The following GSE1 variants were observed in gnomAD, a reference collection of about 807,000 sequenced individuals.
The protein encoded by GSE1 is Gse1 coiled-coil protein.
A neutral mutation model predicts 112.6 loss-of-function variants in GSE1; 32 were observed. The ratio of observed to expected loss-of-function variants is 0.28; its 90% CI spans 0.21 to 0.38. The LOEUF is 0.38. Ranked by LOEUF, GSE1 falls within the 10% of genes least tolerant of loss-of-function variation. The pLI is 1.00. For missense variants in GSE1, 2,348 were observed against 1,699.2 expected (o/e 1.38, Z -6.71); for synonymous variants, 1,115 against 735.6 (o/e 1.52, Z -8.35).
chr16:85,284,768 GCA>G, intron 1 of GSE1, among the ~76,000 whole-genome samples: 1 of 152,232 alleles, frequency 6.6e-6, no homozygotes, highest in South Asian at 2.1e-4. Flanking sequence ...GGCGGGGCTG[GCA>G]CACACAGCTC....
At chr16:85,664,202 C>T (rs1356803949) in intron 11 of GSE1, among the ~76,000 whole-genome samples, 3 of 152,270 alleles carry the variant, frequency 2.0e-5, no homozygotes, top group African/African-American at 7.2e-5. Context: ...GCTTCCTTGG[C>T]CTGCAGCGCA....
chr16:85,327,654 T>G (rs1427569169), intron 1 of GSE1, among the ~76,000 whole-genome samples: 4 of 152,150 alleles, frequency 2.6e-5, no homozygotes, highest in Non-Finnish European at 5.9e-5. Context: ...GAAGAGCATG[T>G]CAGGTGGGAA....
Position 85,675,162 on chromosome 16 carries a change from T to G in GSE1, c.*2623T>G, listed in dbSNP as rs1362252356. On this transcript the variant is annotated 3_prime_UTR_variant, in exon 16 of 16. Coordinates refer to ENST00000253458, the MANE Select transcript of GSE1 (RefSeq NM_014615.5). ...AAAATTGACATGCAATCTCTTAAGT[T>G]TTTTGTTCAGCTACTTCACACTGAG... The G allele has an allele frequency of 7.0e-6, 1 of 143,434 alleles. No individual in the cohort carries two copies. Among genetic ancestry groups the G allele is most frequent in the Admixed American group, 7.0e-5 (1 of 14,304 alleles). The allele number at this position is 143,434 out of a possible 1,614,324, so 8.9% of individuals were successfully genotyped here. A position where few individuals can be genotyped will look rare whatever the true frequency, so the allele number is the denominator to read the frequency against.
intron 2 of GSE1, among the ~76,000 whole-genome samples, chr16:85,400,062 C>A (rs117877258): frequency 0.014 from 2,062 of 152,344 alleles, 16 homozygotes; most frequent in Non-Finnish European, 0.023. Flanking sequence ...CCTTGTGTCA[C>A]GGCCACACGG....
At chr16:85,306,925 A>C (rs2045694745) in intron 1 of GSE1, among the ~76,000 whole-genome samples, 1 of 152,202 alleles carries the variant, frequency 6.6e-6, no homozygotes, top group Non-Finnish European at 1.5e-5. Context: ...CCTTCCTGTT[A>C]TGCACTGGGG....
At chr16:85,563,518 A>G (rs990468129) in intron 1 of GSE1, among the ~76,000 whole-genome samples, 1 of 152,118 alleles carries the variant, frequency 6.6e-6, no homozygotes, top group Non-Finnish European at 1.5e-5. Context: ...TTGCGGGAGT[A>G]GGGCACTGGT....
intron 2 of GSE1, among the ~76,000 whole-genome samples, chr16:85,462,083 G>A (rs1213824428): frequency 6.6e-6 from 1 of 152,156 alleles, no homozygotes. Flanking sequence ...TCCCCACAGG[G>A]GCAGGGAGGC....
At chr16:85,645,878 A>G (rs2013737) in intron 2 of GSE1, among the ~76,000 whole-genome samples, 2,543 of 151,670 alleles carry the variant, frequency 0.017, 76 homozygotes, top group African/African-American at 0.059. Context: ...CATGCTTCCT[A>G]TGCATGCATT....
intron 12 of GSE1, 75 bp from the exon 13 acceptor site, chr16:85,665,901 C>A: frequency 1.4e-6 from 2 of 1,424,552 alleles, no homozygotes; most frequent in South Asian, 2.3e-5. Flanking sequence ...GCTCTAGAGA[C>A]CAGGATCTGC....
intron 1 of GSE1, among the ~76,000 whole-genome samples, chr16:85,314,521 C>T (rs561903653): frequency 3.9e-5 from 6 of 152,292 alleles, no homozygotes; most frequent in Admixed American, 1.3e-4. Context: ...GTCCCCTACA[C>T]GTGTGTGCAC....
At chr16:85,515,981 G>T (rs1176137399) in intron 2 of GSE1, among the ~76,000 whole-genome samples, 1 of 152,190 alleles carries the variant, frequency 6.6e-6, no homozygotes, top group Non-Finnish European at 1.5e-5. Context: ...CAGGGGAAAG[G>T]GCAGAGAGGA....
At chr16:85,229,016 G>C (rs1160677235) in intron 1 of GSE1, among the ~76,000 whole-genome samples, 1 of 152,250 alleles carries the variant, frequency 6.6e-6, no homozygotes, top group Non-Finnish European at 1.5e-5. Flanking sequence ...GGACGTCCAC[G>C]CTGGGCCCGT....
intron 2 of GSE1, among the ~76,000 whole-genome samples, chr16:85,543,608 C>T (rs2044599342): frequency 6.6e-6 from 1 of 152,156 alleles, no homozygotes; most frequent in Non-Finnish European, 1.5e-5. Context: ...TGGTTCTAAG[C>T]AGCACTGGAG....
upstream of GSE1, among the ~76,000 whole-genome samples, chr16:85,554,581 G>C (rs1212789401): frequency 6.6e-6 from 1 of 152,168 alleles, no homozygotes; most frequent in African/African-American, 2.4e-5. Flanking sequence ...TGCGGGGTGA[G>C]GGGTGAGAGG....
At chr16:85,601,178 A>T (rs2047448652) in intron 1 of GSE1, among the ~76,000 whole-genome samples, 2 of 151,768 alleles carry the variant, frequency 1.3e-5, no homozygotes, top group South Asian at 4.2e-4. Context: ...AGACTGTGAG[A>T]CGCTTCCAGA....
chr16:85,171,831 C>T, intron 1 of GSE1: 1 of 973,198 alleles, frequency 1.0e-6, no homozygotes, highest in Non-Finnish European at 1.2e-6. Flanking sequence ...TTCATCTCAT[C>T]TTAGACGCTT....
chr16:85,652,548 C>CGGT (rs946678982), intron 3 of GSE1, among the ~76,000 whole-genome samples: 1 of 148,408 alleles, frequency 6.7e-6, no homozygotes, highest in Non-Finnish European at 1.5e-5. Context: ...AGATTCCAGG[C>CGGT]GGCGGCGGCG....
intron 2 of GSE1, among the ~76,000 whole-genome samples, chr16:85,637,020 T>A (rs1055759531): frequency 6.6e-6 from 1 of 152,236 alleles, no homozygotes; most frequent in Non-Finnish European, 1.5e-5. Flanking sequence ...TTGCATTTCT[T>A]ATTTAAAATT....
chr16:85,270,285 C>T (rs1597245004), intron 1 of GSE1, among the ~76,000 whole-genome samples: 1 of 148,994 alleles, frequency 6.7e-6, no homozygotes, highest in Non-Finnish European at 1.5e-5. Flanking sequence ...ACATGCCTCT[C>T]TGTTGAGGCC....
Sources: allele counts gnomAD v4.1 joint callset (sites outside exome capture counted in the v4.1 genomes callset), GRCh38; gene constraint gnomAD v4.1.1; transcripts MANE v1.5; gene names NCBI Gene and HGNC (gene_info 2026-07-23, HGNC 2026-07-21).